The following TMEM175 variants were observed in gnomAD, a reference collection of about 807,000 sequenced individuals.
TMEM175 encodes endosomal/lysosomal proton channel TMEM175.
In TMEM175, 36 loss-of-function variants were observed where a neutral mutation model predicts 36.5. The observed-to-expected ratio is 0.99, with a 90% CI of 0.76 to 1.30. The LOEUF is 1.30. TMEM175 is among the 50% of genes most tolerant of loss of function. The probability of loss-of-function intolerance (pLI) is 0.00; values close to 1 mark genes in which losing one functional copy is unlikely to be tolerated. For synonymous variants in TMEM175, 339 were observed against 313.4 expected (o/e 1.08, Z -0.86); for missense variants, 705 against 692.8 (o/e 1.02, Z -0.20).
intron 4 of TMEM175, among the ~76,000 whole-genome samples, chr4:950,944 AGGTGTGGAT>A (rs1017901349): frequency 4.1e-5 from 6 of 144,982 alleles, no homozygotes; most frequent in African/African-American, 1.1e-4. Flanking sequence ...CAATAGGTGG[AGGTGTGGAT>A]GGTGTGGATG....
chr4:940,431 A>G (rs1210099222), intron 1 of TMEM175, among the ~76,000 whole-genome samples: 1 of 137,232 alleles, frequency 7.3e-6, no homozygotes, highest in Non-Finnish European at 1.5e-5. Flanking sequence ...CTGGGCAGCA[A>G]GAGTGAAACT....
chr4:952,356 T>C lies in TMEM175; in HGVS notation c.379-11T>C, dbSNP rs764828482. 6.2e-7 allele frequency: 1 copy of C among 1,611,020 alleles called. No individual in the cohort carries two copies. The highest frequency in any genetic ancestry group is 8.5e-7 in the Non-Finnish European group (1 of 1,179,688). ...ATTTGGGGGGGTTTGGTTTTGTTTT[T>C]GTTTTAACAGTTTTCGTTAATGGTG... is the stretch of plus-strand genomic sequence containing the variant. On this transcript the variant is annotated splice_polypyrimidine_tract_variant and intron_variant, in intron 6 of 10. Transcript: ENST00000264771.
chr4:934,751 A>G (rs1038281683), intron 1 of TMEM175, among the ~76,000 whole-genome samples: 6 of 152,228 alleles, frequency 3.9e-5, no homozygotes, highest in African/African-American at 1.2e-4. Context: ...GGTACAGAAA[A>G]AAGAGGAATA....
chr4:947,824 G>T lies in TMEM175; in HGVS notation c.85G>T (p.Gly29Trp). 1 of 1,613,344 alleles carries T rather than the reference G, an allele frequency of 6.2e-7. No individual in the cohort carries two copies. The highest frequency in any genetic ancestry group is 8.5e-7 in the Non-Finnish European group (1 of 1,180,012). ...PGRRDEDAGE[G>W]IQCSQRMLSF... is the part of the protein sequence containing the mutation. Reference sequence around the variant, plus strand: ...CAGGAGAGACGAGGACGCTGGGGAGGGGATCCAGTGCTCCCAACGCATGCT... The same window carrying T: ...CAGGAGAGACGAGGACGCTGGGGAGTGGATCCAGTGCTCCCAACGCATGCT... Residue 29 changes from glycine (G) to tryptophan (W), a missense_variant, in exon 2 of 11, where the codon GGG becomes TGG. By Grantham distance (184) the Gly-to-Trp change is radical. Transcript: ENST00000264771.
chr4:955,580 G>C (rs758399826), intron 9 of TMEM175, 97 bp downstream of exon 9: 6 of 1,450,918 alleles, frequency 4.1e-6, no homozygotes, highest in Non-Finnish European at 5.7e-6. Context: ...GCCGAGGCCC[G>C]TGTGCGTGGT....
At chr4:957,641 T>C (rs1729870530) in intron 10 of TMEM175, among the ~76,000 whole-genome samples, 183 bp from the exon 11 acceptor site, 1 of 152,204 alleles carries the variant, frequency 6.6e-6, no homozygotes, top group African/African-American at 2.4e-5. Flanking sequence ...GAACAGCACG[T>C]AACAGTCAGT....
At chr4:956,264 T>C in intron 10 of TMEM175, 1 of 1,209,842 alleles carries the variant, frequency 8.3e-7, no homozygotes, top group Non-Finnish European at 1.1e-6. Context: ...TCCTAGTCCC[T>C]AGTCCCTCCC....
intron 10 of TMEM175, chr4:956,304 C>A (rs781335751): frequency 4.7e-6 from 6 of 1,282,766 alleles, no homozygotes; most frequent in Admixed American, 2.6e-5. Flanking sequence ...CAGTGCCCCC[C>A]ATCGCTTCGC....
In TMEM175 at chr4:958,171, C is replaced by T. The variant is rs202010290; in HGVS notation, c.1190C>T (p.Ala397Val). The change falls in exon 11 of 11, where the codon GCG becomes GTG. Residue 397 changes from alanine to valine, a missense_variant. Transcript: ENST00000264771. ...SIFQLAMWTT[A>V]LLHQAETLQP... The stretch of plus-strand genomic sequence containing the variant: ...TTCCAGCTGGCCATGTGGACCACGG[C>T]GCTGCTGCACCAGGCGGAGACGCTG... The T allele has an allele frequency of 2.0e-5, 32 of 1,603,292 alleles. No homozygotes were observed. The highest frequency in any genetic ancestry group is 1.8e-4 in the East Asian group (8 of 44,822).
chr4:957,673 G>T, intron 10 of TMEM175, 151 bp from the exon 11 acceptor site: 1 of 718,300 alleles, frequency 1.4e-6, no homozygotes, highest in Non-Finnish European at 2.4e-6. Context: ...ACATAAATAC[G>T]GCGTTCTGAA....
At chr4:934,797 C>A (rs888144366) in intron 1 of TMEM175, among the ~76,000 whole-genome samples, 5 of 152,184 alleles carry the variant, frequency 3.3e-5, no homozygotes, top group African/African-American at 9.7e-5. Flanking sequence ...TATCTTCTAT[C>A]TCTTAGAACA....
intron 10 of TMEM175, among the ~76,000 whole-genome samples, chr4:957,371 C>T (rs992491075): frequency 6.6e-6 from 1 of 152,180 alleles, no homozygotes; most frequent in African/African-American, 2.4e-5. Flanking sequence ...TCCTGAGACC[C>T]CCATGTGCAT....
At position 958,409 on chromosome 4, in the gene TMEM175, G is replaced by A. The variant is rs527632759; in HGVS notation, c.1428G>A (p.Leu476=). 1.3e-6 allele frequency: 2 copies of A among 1,599,252 alleles called. No individual in the cohort carries two copies. Among genetic ancestry groups the A allele is most frequent in the East Asian group, 4.5e-5 (2 of 44,792 alleles). Residue 476 remains leucine (L), a synonymous_variant, in exon 11 of 11, where the codon CTG becomes CTA. Coordinates refer to ENST00000264771, the MANE Select transcript of TMEM175 (RefSeq NM_032326.4). ...TGGCCCTGGCCACCCTGCGGGTCCT[G>A]CGGGGCCTCGCCCGGCCCGAACACC... ...VGLALATLRV[L]RGLARPEHPP...
At chr4:942,153 G>T (rs762825336) in intron 1 of TMEM175, among the ~76,000 whole-genome samples, 1 of 151,896 alleles carries the variant, frequency 6.6e-6, no homozygotes, top group Non-Finnish European at 1.5e-5. Flanking sequence ...CCGCCTCCCG[G>T]GTTCAAGCGA....
At chr4:952,683 C>T (rs1396209307) in intron 7 of TMEM175, among the ~76,000 whole-genome samples, 19 of 129,014 alleles carry the variant, frequency 1.5e-4, no homozygotes, top group Admixed American at 1.3e-3. Flanking sequence ...TCTTGGGGCC[C>T]GGGGTCCTGT....
chr4:948,277 G>A, intron 3 of TMEM175, 123 bp downstream of exon 3: 2 of 1,588,646 alleles, frequency 1.3e-6, no homozygotes, highest in Non-Finnish European at 1.7e-6. Context: ...AGGAGGCAGA[G>A]GCGGGAGGCG....
At chr4:955,360 C>G (rs373748110) in intron 8 of TMEM175, 45 bp from the exon 9 acceptor site, 7 of 1,517,566 alleles carry the variant, frequency 4.6e-6, no homozygotes, top group Non-Finnish European at 6.4e-6. Context: ...GGCCTGGCCT[C>G]GGACCCCTGT....
At chr4:950,377 A>T in intron 3 of TMEM175, 44 bp from the exon 4 acceptor site, 2 of 1,472,164 alleles carry the variant, frequency 1.4e-6, no homozygotes, top group South Asian at 1.1e-5. Flanking sequence ...ATTCAGGGAC[A>T]CTCATGTCAC....
chr4:957,727 C>T (rs1369827377), intron 10 of TMEM175, 97 bp from the exon 11 acceptor site: 2 of 1,254,690 alleles, frequency 1.6e-6, no homozygotes, highest in Non-Finnish European at 2.2e-6. Context: ...TGAAAACGTG[C>T]CAGATCCAGG....
Sources: gnomAD v4.1 joint callset for allele counts (sites outside exome capture counted in the v4.1 genomes callset) on GRCh38, gnomAD v4.1.1 for gene constraint, MANE v1.5 for transcripts, NCBI Gene and HGNC (gene_info 2026-07-23, HGNC 2026-07-21) for gene names.